LRMDA: variants seen among roughly 807,000 people sequenced by gnomAD.
The protein encoded by LRMDA is leucine-rich melanocyte differentiation-associated protein.
LRMDA carries 18 observed loss-of-function variants against 29.8 expected under a neutral mutation model. That is an observed-to-expected ratio of 0.60 (90% CI 0.42 to 0.90). The LOEUF is 0.90. LRMDA is among the 40% of genes least tolerant of loss of function. LRMDA has a pLI of 0.00. For synonymous variants in LRMDA, 125 were observed against 109.4 expected, an observed-to-expected ratio of 1.14 and a Z score of -0.89; for missense variants, 273 against 273.9, an observed-to-expected ratio of 1.00 and a Z score of 0.02.
At chr10:75,979,745 C>T (rs2132447699) in intron 2 of LRMDA, among the ~76,000 whole-genome samples, 1 of 152,216 alleles carries the variant, frequency 6.6e-6, no homozygotes, top group African/African-American at 2.4e-5. Flanking sequence ...TTCCCACACC[C>T]CAATTACCAG....
At chr10:76,429,697 C>G (rs557131349) in intron 6 of LRMDA, among the ~76,000 whole-genome samples, 10 of 152,218 alleles carry the variant, frequency 6.6e-5, no homozygotes, top group Non-Finnish European at 8.8e-5. Flanking sequence ...GATTTTTAGC[C>G]TCAGTCCCCT....
chr10:76,426,518 G>A (rs1294936160), intron 6 of LRMDA, among the ~76,000 whole-genome samples: 3 of 152,138 alleles, frequency 2.0e-5, no homozygotes, highest in African/African-American at 7.2e-5. Flanking sequence ...TGTCAGATGA[G>A]TAGATTGCAA....
chr10:76,080,378 G>A (rs1849030129), intron 5 of LRMDA, among the ~76,000 whole-genome samples: 2 of 152,138 alleles, frequency 1.3e-5, no homozygotes, highest in African/African-American at 2.4e-5. Flanking sequence ...CTTAGGGATG[G>A]TCCTATATTA....
At chr10:75,508,470 A>C (rs1443955454) in intron 2 of LRMDA, among the ~76,000 whole-genome samples, 6 of 152,220 alleles carry the variant, frequency 3.9e-5, no homozygotes, top group Non-Finnish European at 8.8e-5. Context: ...TCAGAGTGGA[A>C]GAGAAACTTG....
intron 2 of LRMDA, among the ~76,000 whole-genome samples, chr10:75,797,890 T>G (rs1278066069): frequency 6.6e-6 from 1 of 152,224 alleles, no homozygotes; most frequent in Admixed American, 6.5e-5. Context: ...GTCAAATTGC[T>G]GCTAGACTGA....
At chr10:76,020,553 C>G (rs1847957396) in intron 2 of LRMDA, among the ~76,000 whole-genome samples, 1 of 152,278 alleles carries the variant, frequency 6.6e-6, no homozygotes, top group South Asian at 2.1e-4. Flanking sequence ...AACCCCAGTG[C>G]AGGCCCCTCA....
At chr10:76,168,523 C>T (rs142700684) in intron 5 of LRMDA, among the ~76,000 whole-genome samples, 140 of 152,164 alleles carry the variant, frequency 9.2e-4, no homozygotes, top group Non-Finnish European at 1.4e-3. Context: ...TGGAACTTGG[C>T]GAACTTGGTG....
chr10:76,386,285 A>G (rs1013320887), intron 6 of LRMDA, among the ~76,000 whole-genome samples: 3 of 152,228 alleles, frequency 2.0e-5, no homozygotes, highest in African/African-American at 7.2e-5. Context: ...AAATGCATAA[A>G]TGAATGAATA....
intron 6 of LRMDA, among the ~76,000 whole-genome samples, chr10:76,456,432 A>G (rs559342775): frequency 1.3e-5 from 2 of 152,276 alleles, no homozygotes; most frequent in East Asian, 1.9e-4. Flanking sequence ...ATTGCAGAGG[A>G]CCACGTGATG....
intron 2 of LRMDA, among the ~76,000 whole-genome samples, chr10:75,751,372 T>G (rs1652034784): frequency 2.8e-5 from 4 of 140,518 alleles, no homozygotes; most frequent in African/African-American, 8.1e-5. Context: ...GGAGGGGGAG[T>G]GGGAGAGGGA....
intron 2 of LRMDA, among the ~76,000 whole-genome samples, chr10:75,745,190 A>C (rs1394694727): frequency 3.9e-5 from 6 of 152,194 alleles, no homozygotes; most frequent in Non-Finnish European, 5.9e-5. Context: ...TCAGTTTTGT[A>C]AGATGCAATC....
At chr10:75,434,881 C>G (rs1358093286) in intron 1 of LRMDA, among the ~76,000 whole-genome samples, 1 of 152,220 alleles carries the variant, frequency 6.6e-6, no homozygotes, top group Non-Finnish European at 1.5e-5. Flanking sequence ...CCAGAGAGTC[C>G]CAACGCAAAG....
At chr10:75,528,428 AC>A (rs145645562) in intron 2 of LRMDA, among the ~76,000 whole-genome samples, 15 of 152,310 alleles carry the variant, frequency 9.8e-5, no homozygotes, top group African/African-American at 3.6e-4. Context: ...AATCAAACAT[AC>A]ACATAGTGGA....
intron 2 of LRMDA, among the ~76,000 whole-genome samples, chr10:75,794,023 C>A (rs1843612303): frequency 6.6e-6 from 1 of 152,224 alleles, no homozygotes; most frequent in Admixed American, 6.5e-5. Context: ...TTCCAATCAA[C>A]TTTTGTTTAC....
intron 2 of LRMDA, among the ~76,000 whole-genome samples, chr10:75,906,934 T>C (rs1412265037): frequency 6.6e-6 from 1 of 152,226 alleles, no homozygotes; most frequent in African/African-American, 2.4e-5. Context: ...GGTCTGGCCT[T>C]TTCAATCTCT....
Position 76,419,190 on chromosome 10 carries a change from T to C in LRMDA, c.601+94705T>C, listed in dbSNP as rs181133126. On this transcript the variant is annotated intron_variant, in intron 6 of 6. Coordinates refer to ENST00000611255, the MANE Select transcript of LRMDA (RefSeq NM_001305581.2). ...ATTACATGTTTCCACTATTAGAGCA[T>C]CATACAGAATAGTTTCACTGCCCTG... is the stretch of plus-strand genomic sequence containing the variant. Among the ~76,000 whole-genome samples the C allele has an allele frequency of 5.9e-5, 9 of 152,218 alleles. No individual in the cohort carries two copies. The South Asian group carries it at 6.2e-4, about 11-fold the overall frequency.
At chr10:76,216,880 A>G (rs147051587) in intron 5 of LRMDA, among the ~76,000 whole-genome samples, 1 of 152,360 alleles carries the variant, frequency 6.6e-6, no homozygotes, top group East Asian at 1.9e-4. Flanking sequence ...AGGTCTACCA[A>G]TGAGTGAATG....
intron 2 of LRMDA, among the ~76,000 whole-genome samples, chr10:75,445,577 G>A (rs572741503): frequency 3.4e-4 from 51 of 151,860 alleles, no homozygotes; most frequent in African/African-American, 1.2e-3. Flanking sequence ...TAGCCGGGTT[G>A]GTTCCTTAAT....
chr10:75,601,993 C>T (rs978447832), intron 2 of LRMDA, among the ~76,000 whole-genome samples: 1 of 152,136 alleles, frequency 6.6e-6, no homozygotes, highest in Non-Finnish European at 1.5e-5. Context: ...CTTTTCTCCT[C>T]CAGAATACTA....
Sources: gnomAD v4.1 joint callset for allele counts (sites outside exome capture counted in the v4.1 genomes callset) on GRCh38, gnomAD v4.1.1 for gene constraint, MANE v1.5 for transcripts, NCBI Gene and HGNC (gene_info 2026-07-23, HGNC 2026-07-21) for gene names.